CSGALNACT1: variants seen among roughly 807,000 people sequenced by gnomAD.
CSGALNACT1 encodes beta4GalNAcT-1.
Under a neutral mutation model 51.0 loss-of-function variants are expected in CSGALNACT1, and 52 were observed. The ratio of observed to expected loss-of-function variants is 1.02; its 90% CI spans 0.82 to 1.29. CSGALNACT1 has a LOEUF of 1.29. Ranked by LOEUF, CSGALNACT1 falls within the 50% of genes most tolerant of loss-of-function variation. CSGALNACT1 has a pLI of 0.00. For missense variants in CSGALNACT1, 935 were observed against 679.2 expected (o/e 1.38, Z -4.19); for synonymous variants, 341 against 254.4 (o/e 1.34, Z -3.24).
At position 19,492,862 on chromosome 8, in the gene CSGALNACT1, T is replaced by G. The variant is rs887033262; in HGVS notation, c.634+12339A>C. ...AGGAATAATATGAACAGATTTTTCATAGTTTTGTCTGTTAAACTAATCTTA... is the reference window on the plus strand; with the variant it reads ...AGGAATAATATGAACAGATTTTTCAGAGTTTTGTCTGTTAAACTAATCTTA... On this transcript the variant is annotated intron_variant, in intron 4 of 9. Coordinates refer to ENST00000454498, the Ensembl canonical transcript of CSGALNACT1. Among the ~76,000 whole-genome samples, 3 of 152,220 alleles carry G rather than the reference T, an allele frequency of 2.0e-5. No individual in the cohort carries two copies. The South Asian group carries it at 6.2e-4, about 32-fold the overall frequency.
At chr8:19,667,036 G>GAAGGAAGGAAGGAAGGAAGAAAGA (rs2059407199) in intron 1 of CSGALNACT1, among the ~76,000 whole-genome samples, 1 of 28,460 alleles carries the variant, frequency 3.5e-5, no homozygotes, top group Non-Finnish European at 6.5e-5. Flanking sequence ...AGGAAGGAAG[G>GAAGGAAGGAAGGAAGGAAGAAAGA]AAGGAAGAAA....
At chr8:19,653,379 C>A (rs985975005) in intron 1 of CSGALNACT1, among the ~76,000 whole-genome samples, 1 of 152,192 alleles carries the variant, frequency 6.6e-6, no homozygotes, top group Non-Finnish European at 1.5e-5. Flanking sequence ...GGACACTGGT[C>A]CCATTGTCCC....
chr8:19,495,470 C>G (rs947139916), intron 4 of CSGALNACT1, among the ~76,000 whole-genome samples: 1 of 152,188 alleles, frequency 6.6e-6, no homozygotes, highest in Non-Finnish European at 1.5e-5. Flanking sequence ...AGGGATGTAA[C>G]TGTGAAATCC....
upstream of CSGALNACT1, among the ~76,000 whole-genome samples, chr8:19,687,138 A>G (rs1428506507): frequency 6.6e-6 from 1 of 152,052 alleles, no homozygotes; most frequent in Non-Finnish European, 1.5e-5. Flanking sequence ...ACAGTATGAG[A>G]GTGTATTTGT....
chr8:19,469,551 T>G (rs994481418), intron 4 of CSGALNACT1, among the ~76,000 whole-genome samples: 3 of 152,110 alleles, frequency 2.0e-5, no homozygotes, highest in Admixed American at 2.0e-4. Flanking sequence ...GTGAGTTGAG[T>G]GTTTTTCCTT....
intron 1 of CSGALNACT1, among the ~76,000 whole-genome samples, chr8:19,676,044 C>A (rs1442901275): frequency 6.8e-6 from 1 of 146,012 alleles, no homozygotes; most frequent in Non-Finnish European, 1.5e-5. Context: ...GAACTACTTG[C>A]AGCCTGAACC....
chr8:19,482,997 C>T (rs1393777380), intron 4 of CSGALNACT1, among the ~76,000 whole-genome samples: 1 of 152,172 alleles, frequency 6.6e-6, no homozygotes, highest in Non-Finnish European at 1.5e-5. Context: ...CCCTCTCCAT[C>T]CCACATCCAG....
intron 3 of CSGALNACT1, among the ~76,000 whole-genome samples, chr8:19,522,760 G>C (rs1321616559): frequency 6.6e-6 from 1 of 152,112 alleles, no homozygotes; most frequent in Admixed American, 6.5e-5. Context: ...TTTTTAAATT[G>C]CAATTTTCCA....
At chr8:19,432,677 T>C (rs887072265) in intron 6 of CSGALNACT1, among the ~76,000 whole-genome samples, 2 of 152,152 alleles carry the variant, frequency 1.3e-5, no homozygotes, top group Non-Finnish European at 2.9e-5. Context: ...TTGCCAATTA[T>C]TTCTTCTGCT....
chr8:19,477,923 C>G (rs561063509), intron 4 of CSGALNACT1, among the ~76,000 whole-genome samples: 3 of 152,162 alleles, frequency 2.0e-5, no homozygotes, highest in Admixed American at 2.0e-4. Context: ...AGAAGCCATG[C>G]GCCAGTTAGA....
chr8:19,530,777 A>C (rs2154054181), intron 3 of CSGALNACT1, among the ~76,000 whole-genome samples: 1 of 152,342 alleles, frequency 6.6e-6, no homozygotes, highest in Admixed American at 6.5e-5. Flanking sequence ...GAAGTTAGTA[A>C]GACTATTTAC....
intron 5 of CSGALNACT1, 69 bp from the exon 5 acceptor site, chr8:19,440,000 CT>C: frequency 1.5e-6 from 2 of 1,332,354 alleles, no homozygotes; most frequent in Non-Finnish European, 2.2e-6. Flanking sequence ...AAACCAATAC[CT>C]TTTTGTAAAG....
intron 1 of CSGALNACT1, among the ~76,000 whole-genome samples, chr8:19,632,453 G>T (rs1158948166): frequency 2.0e-5 from 3 of 152,112 alleles, no homozygotes; most frequent in Non-Finnish European, 4.4e-5. Context: ...AAACCAAATG[G>T]CAAAGCATTT....
At chr8:19,590,281 A>G (rs1363968275) in intron 3 of CSGALNACT1, among the ~76,000 whole-genome samples, 1 of 152,172 alleles carries the variant, frequency 6.6e-6, no homozygotes, top group East Asian at 1.9e-4. Flanking sequence ...AAGGGAATTC[A>G]CAGAGGCACT....
At chr8:19,533,814 A>G (rs2083240617) in intron 3 of CSGALNACT1, among the ~76,000 whole-genome samples, 1 of 152,134 alleles carries the variant, frequency 6.6e-6, no homozygotes, top group South Asian at 2.1e-4. Flanking sequence ...TTTTTCTCCA[A>G]AACATATGCA....
chr8:19,514,986 G>C (rs558024167), intron 3 of CSGALNACT1, among the ~76,000 whole-genome samples: 1 of 152,160 alleles, frequency 6.6e-6, no homozygotes, highest in African/African-American at 2.4e-5. Context: ...CCTAGCTCCA[G>C]GTTTCCAGTA....
intron 3 of CSGALNACT1, among the ~76,000 whole-genome samples, chr8:19,519,012 G>A (rs772336428): frequency 5.9e-5 from 9 of 152,316 alleles, no homozygotes; most frequent in Admixed American, 3.3e-4. Flanking sequence ...GGGAACTGAC[G>A]ATGAGAAACA....
intron 1 of CSGALNACT1, among the ~76,000 whole-genome samples, chr8:19,681,847 G>C (rs2060643983): frequency 6.6e-6 from 1 of 152,206 alleles, no homozygotes; most frequent in Non-Finnish European, 1.5e-5. Flanking sequence ...ATAGGGCAGA[G>C]TTCACAGGGC....
At chr8:19,561,408 C>G (rs2958558) in intron 3 of CSGALNACT1, among the ~76,000 whole-genome samples, 1 of 152,148 alleles carries the variant, frequency 6.6e-6, no homozygotes, top group African/African-American at 2.4e-5. Flanking sequence ...GCACAGGAAG[C>G]TAGGAGAATA....
Sources: gnomAD v4.1 joint callset for allele counts (sites outside exome capture counted in the v4.1 genomes callset) on GRCh38, gnomAD v4.1.1 for gene constraint, MANE v1.5 for transcripts, NCBI Gene and HGNC (gene_info 2026-07-23, HGNC 2026-07-21) for gene names.